RIT2: variants seen among roughly 807,000 people sequenced by gnomAD.
RIT2 encodes Ras like without CAAX 2.
In RIT2, 24 loss-of-function variants were observed where a neutral mutation model predicts 23.7. The ratio of observed to expected loss-of-function variants is 1.01; its 90% CI spans 0.73 to 1.43. The LOEUF (loss-of-function observed/expected upper bound fraction) is 1.43. Among genes scored for constraint, RIT2 ranks in the 40% most tolerant of loss-of-function variants. The probability of loss-of-function intolerance (pLI) is 0.00; values close to 1 mark genes in which losing one functional copy is unlikely to be tolerated. For missense variants in RIT2, 236 were observed against 266.9 expected (o/e 0.88, Z 0.81); for synonymous variants, 107 against 91.1 (o/e 1.17, Z -0.99).
chr18:42,818,980 T>C (rs1906072020), intron 4 of RIT2, among the ~76,000 whole-genome samples: 1 of 152,060 alleles, frequency 6.6e-6, no homozygotes, highest in Non-Finnish European at 1.5e-5. Context: ...GTGCTAAATG[T>C]TATAAACATA....
intron 4 of RIT2, among the ~76,000 whole-genome samples, chr18:42,774,440 A>T (rs1026283067): frequency 6.6e-6 from 1 of 152,112 alleles, no homozygotes; most frequent in African/African-American, 2.4e-5. Context: ...CTGCCCCACA[A>T]CTTGACTGTA....
At chr18:43,013,284 T>A (rs1003558068) in intron 2 of RIT2, among the ~76,000 whole-genome samples, 1 of 151,964 alleles carries the variant, frequency 6.6e-6, no homozygotes, top group Non-Finnish European at 1.5e-5. Flanking sequence ...TTATTTTTTT[T>A]AAACAATGCA....
At position 43,115,574 on chromosome 18, in the gene RIT2, C is replaced by A; in HGVS notation, c.-55G>T. ...AGGAGAAAGTCACCCGTGTCAGGTG[C>A]TTGCTCGAATATTAAGCAACTCTAA... On this transcript the variant is annotated 5_prime_UTR_variant, in exon 1 of 5. Coordinates refer to ENST00000326695, the MANE Select transcript of RIT2 (RefSeq NM_002930.4). 1 of 1,582,646 alleles carries A rather than the reference C, an allele frequency of 6.3e-7. No homozygotes were observed. The highest frequency in any genetic ancestry group is 8.5e-7 in the Non-Finnish European group (1 of 1,169,608).
At chr18:42,939,189 T>C (rs1036134940) in intron 3 of RIT2, among the ~76,000 whole-genome samples, 4 of 152,134 alleles carry the variant, frequency 2.6e-5, no homozygotes, top group Admixed American at 1.3e-4. Context: ...GGCAAGAGGC[T>C]GGTGAGAGGG....
chr18:42,926,280 T>C (rs929451124), intron 3 of RIT2, among the ~76,000 whole-genome samples: 1 of 151,944 alleles, frequency 6.6e-6, no homozygotes, highest in East Asian at 1.9e-4. Context: ...ATTGTAGAAT[T>C]GAAACATCAT....
At chr18:43,023,363 C>G (rs1039700145) in intron 2 of RIT2, among the ~76,000 whole-genome samples, 1 of 152,022 alleles carries the variant, frequency 6.6e-6, no homozygotes, top group African/African-American at 2.4e-5. Context: ...TTTCCATTCT[C>G]TATGAATAGA....
chr18:43,012,503 C>T (rs1435997095), intron 2 of RIT2, among the ~76,000 whole-genome samples: 8 of 151,606 alleles, frequency 5.3e-5, no homozygotes, highest in Admixed American at 5.3e-4. Context: ...CGAATTTTCA[C>T]ATTTCAGTTA....
chr18:42,777,327 A>G (rs1771915425), intron 4 of RIT2, among the ~76,000 whole-genome samples: 1 of 151,948 alleles, frequency 6.6e-6, no homozygotes, highest in South Asian at 2.1e-4. Context: ...GACTGGAGAC[A>G]TAAATTTGGG....
rs190218459 is a variant in RIT2, at chr18:43,061,699, A to G, written c.104-27832T>C. On this transcript the variant is annotated intron_variant, in intron 1 of 4. Coordinates refer to ENST00000326695, the MANE Select transcript of RIT2 (RefSeq NM_002930.4). ...CAGACCAATCAGCAAGTAGTCCCCC[A>G]TTCTAAGCTCATAAAAACCCCCTAC... Among the ~76,000 whole-genome samples, 98 of 152,122 alleles carry G rather than the reference A, an allele frequency of 6.4e-4. 1 individual carries two copies. The highest frequency in any genetic ancestry group is 5.6e-3 in the Admixed American group (85 of 15,274).
At chr18:42,932,851 G>T (rs1598720345) in intron 3 of RIT2, among the ~76,000 whole-genome samples, 2 of 150,718 alleles carry the variant, frequency 1.3e-5, no homozygotes, top group East Asian at 1.9e-4. Context: ...TATTCTTCCT[G>T]TTTTTTTTTA....
chr18:42,828,427 T>C (rs572434501), intron 4 of RIT2, among the ~76,000 whole-genome samples: 13 of 152,372 alleles, frequency 8.5e-5, no homozygotes, highest in South Asian at 8.3e-4. Flanking sequence ...TACCTGTAGA[T>C]TTTTAAACTA....
chr18:42,837,056 A>G (rs1906624354), intron 4 of RIT2, among the ~76,000 whole-genome samples: 1 of 151,114 alleles, frequency 6.6e-6, no homozygotes, highest in Non-Finnish European at 1.5e-5. Flanking sequence ...CACCCACATC[A>G]CATCAAGCGC....
At chr18:42,904,178 T>C (rs2144110280) in intron 4 of RIT2, among the ~76,000 whole-genome samples, 1 of 152,310 alleles carries the variant, frequency 6.6e-6, no homozygotes. Flanking sequence ...TGGAAAAAAG[T>C]ACTCTATTTC....
chr18:43,027,214 T>C (rs1236211868), intron 2 of RIT2, among the ~76,000 whole-genome samples: 1 of 152,032 alleles, frequency 6.6e-6, no homozygotes, highest in Admixed American at 6.6e-5. Flanking sequence ...GAATAAAGTA[T>C]TAGAAAGGGA....
chr18:42,837,054 T>C (rs992029320), intron 4 of RIT2, among the ~76,000 whole-genome samples: 3 of 148,362 alleles, frequency 2.0e-5, no homozygotes, highest in African/African-American at 7.4e-5. Flanking sequence ...CACACCCACA[T>C]CACATCAAGC....
At chr18:43,022,616 A>T (rs1911623061) in intron 2 of RIT2, among the ~76,000 whole-genome samples, 1 of 152,188 alleles carries the variant, frequency 6.6e-6, no homozygotes, top group South Asian at 2.1e-4. Flanking sequence ...TAAAGTTTCC[A>T]TATTAACCTC....
At chr18:42,851,344 T>G (rs974628399) in intron 4 of RIT2, among the ~76,000 whole-genome samples, 7 of 152,202 alleles carry the variant, frequency 4.6e-5, no homozygotes, top group Non-Finnish European at 1.0e-4. Context: ...ATTTTGCTGA[T>G]TGTTTTAGAA....
Position 42,850,420 on chromosome 18 carries a change from G to A in RIT2, c.426+73152C>T, listed in dbSNP as rs555033903. Among the ~76,000 whole-genome samples the A allele has an allele frequency of 2.0e-5, 3 of 152,220 alleles. No homozygotes were observed. In the South Asian group the frequency reaches 6.2e-4, roughly 32 times the overall value. On this transcript the variant is annotated intron_variant, in intron 4 of 4. Coordinates refer to ENST00000326695, the MANE Select transcript of RIT2 (RefSeq NM_002930.4). ...GTATTGTAAAGAGTAAAGTTGGCCT[G>A]GACATAAATCTGGTGGCAGACCACA...
chr18:42,748,988 T>G (rs890121761), intron 4 of RIT2, among the ~76,000 whole-genome samples: 2 of 151,936 alleles, frequency 1.3e-5, no homozygotes, highest in Non-Finnish European at 2.9e-5. Flanking sequence ...CAAAACAAAC[T>G]CAATTGATCC....
Sources: gnomAD v4.1 joint callset for allele counts (sites outside exome capture counted in the v4.1 genomes callset) on GRCh38, gnomAD v4.1.1 for gene constraint, MANE v1.5 for transcripts, NCBI Gene and HGNC (gene_info 2026-07-23, HGNC 2026-07-21) for gene names.